MAD1L1: variants seen among roughly 807,000 people sequenced by gnomAD.
The protein encoded by MAD1L1 is mitotic arrest deficient 1 like 1, also known as mitotic spindle assembly checkpoint protein MAD1.
Under a neutral mutation model 96.9 loss-of-function variants are expected in MAD1L1, and 95 were observed. The ratio of observed to expected loss-of-function variants is 0.98; its 90% CI spans 0.83 to 1.16. The LOEUF (loss-of-function observed/expected upper bound fraction) is 1.16. Among genes scored for constraint, MAD1L1 ranks in the 50% most tolerant of loss-of-function variants. MAD1L1 has a pLI of 0.00. For missense variants in MAD1L1, 1,007 were observed against 954.4 expected, an observed-to-expected ratio of 1.06 and a Z score of -0.73; for synonymous variants, 473 against 396.6, an observed-to-expected ratio of 1.19 and a Z score of -2.29.
chr7:1,969,874 T>C (rs1485231822), intron 15 of MAD1L1, among the ~76,000 whole-genome samples: 1 of 152,136 alleles, frequency 6.6e-6, no homozygotes, highest in Non-Finnish European at 1.5e-5. Context: ...GAAGAAAACC[T>C]AAGTAAATGT....
At chr7:1,894,788 G>T (rs1420355812) in intron 18 of MAD1L1, among the ~76,000 whole-genome samples, 1 of 152,038 alleles carries the variant, frequency 6.6e-6, no homozygotes, top group Non-Finnish European at 1.5e-5. Context: ...AGGAGGAGTG[G>T]GAGAGGGAGG....
intron 11 of MAD1L1, among the ~76,000 whole-genome samples, chr7:2,070,158 A>G (rs1378334091): frequency 1.3e-5 from 2 of 152,166 alleles, no homozygotes; most frequent in Non-Finnish European, 1.5e-5. Flanking sequence ...AGGGGTTTGG[A>G]TCTTGCCCCT....
At chr7:1,972,639 A>C (rs2128480439) in intron 15 of MAD1L1, among the ~76,000 whole-genome samples, 1 of 151,578 alleles carries the variant, frequency 6.6e-6, no homozygotes, top group East Asian at 1.9e-4. Context: ...TTATTGTTTT[A>C]ATAATTTTCT....
chr7:1,847,755 A>G (rs1271250078), intron 18 of MAD1L1: 1 of 467,272 alleles, frequency 2.1e-6, no homozygotes, highest in Non-Finnish European at 4.4e-6. Context: ...CACGGAACAC[A>G]CTTGCTGCGT....
At chr7:1,911,715 C>T (rs994416505) in intron 17 of MAD1L1, among the ~76,000 whole-genome samples, 1 of 151,702 alleles carries the variant, frequency 6.6e-6, no homozygotes, top group African/African-American at 2.4e-5. Flanking sequence ...GGCATCCCAA[C>T]CGTCTCCAGT....
At chr7:2,232,782 AC>A (rs1168934748) in intron 1 of MAD1L1, 89 bp downstream of exon 1, 9 of 151,444 alleles carry the variant, frequency 5.9e-5, no homozygotes, top group Admixed American at 5.9e-4. Flanking sequence ...TGGCGAGCAC[AC>A]CCGGTCCGGG....
chr7:1,999,772 A>T (rs1288762581), intron 14 of MAD1L1, among the ~76,000 whole-genome samples: 1 of 152,212 alleles, frequency 6.6e-6, no homozygotes, highest in Non-Finnish European at 1.5e-5. Context: ...GCCCCTGACC[A>T]GGCCCTTCTG....
chr7:2,011,908 G>A (rs12699570), intron 13 of MAD1L1, among the ~76,000 whole-genome samples: 59,781 of 152,020 alleles, frequency 0.39, 12,472 homozygotes, highest in African/African-American at 0.53. Context: ...ATGGGCAGAG[G>A]AGGCTGTGAG....
chr7:1,817,090 A>G (rs1172178281), intron 18 of MAD1L1: 2 of 152,288 alleles, frequency 1.3e-5, no homozygotes, highest in East Asian at 1.9e-4. Context: ...CACACGGCCA[A>G]TGAGCTCATG....
chr7:2,059,763 T>C (rs1385422554), intron 12 of MAD1L1, among the ~76,000 whole-genome samples: 1 of 151,734 alleles, frequency 6.6e-6, no homozygotes, highest in Non-Finnish European at 1.5e-5. Flanking sequence ...AGAGTATGAG[T>C]GTGCACGTCA....
intron 18 of MAD1L1, among the ~76,000 whole-genome samples, chr7:1,879,621 G>A (rs965921305): frequency 1.3e-5 from 2 of 152,202 alleles, no homozygotes; most frequent in African/African-American, 4.8e-5. Context: ...CAAAATTGGA[G>A]GACTTATGTT....
Position 2,088,540 on chromosome 7 carries a change from G to A in MAD1L1, c.1074-19202C>T, listed in dbSNP as rs556719685. Among the ~76,000 whole-genome samples the A allele has an allele frequency of 8.9e-4, 135 of 152,308 alleles. No homozygotes were observed. The highest frequency in any genetic ancestry group is 2.8e-3 in the African/African-American group (115 of 41,554). On this transcript the variant is annotated intron_variant, in intron 11 of 18. Transcript: ENST00000265854. The surrounding 1 kb of genome is among the most constrained non-coding windows in gnomAD (Gnocchi z 4.4). ...GACAGCTCTGGAGCTGCCACTGCACGTGCACATCCATCTCCCTGGGAGGCC... is the reference window on the plus strand; with the variant it reads ...GACAGCTCTGGAGCTGCCACTGCACATGCACATCCATCTCCCTGGGAGGCC...
At chr7:2,009,430 TGGAAAAGGATG>T (rs1283684093) in intron 13 of MAD1L1, among the ~76,000 whole-genome samples, 1 of 151,802 alleles carries the variant, frequency 6.6e-6, no homozygotes, top group Non-Finnish European at 1.5e-5. Context: ...CACGGTCACG[TGGAAAAGGATG>T]GGACGGAAGC....
In MAD1L1 at chr7:2,014,503, T is replaced by A. The variant is rs1782444313; in HGVS notation, c.1358A>T (p.Glu453Val). The change falls in exon 13 of 19, where the codon GAG (glutamate) becomes GTG (valine). Residue 453 changes from glutamate (E) to valine (V), a missense_variant and splice_region_variant. Coordinates refer to ENST00000265854, the MANE Select transcript of MAD1L1 (RefSeq NM_001013836.2). ...AGCCCCACGCCCGCGGCCCCTCACC[T>A]CCATCTCGGCGCTGTGGCTGTGCAC... ...QKVHSHSAEMEAQLSQALEEL... is the reference protein window; with the variant it reads ...QKVHSHSAEMVAQLSQALEEL... 2.5e-6 allele frequency: 4 copies of A among 1,578,574 alleles called. No individual in the cohort carries two copies. Among genetic ancestry groups the A allele is most frequent in the African/African-American group, 1.4e-5 (1 of 73,864 alleles).
intron 15 of MAD1L1, among the ~76,000 whole-genome samples, chr7:1,969,016 G>T (rs921928626): frequency 6.6e-6 from 1 of 152,224 alleles, no homozygotes; most frequent in South Asian, 2.1e-4. Flanking sequence ...AAGAGGGTAT[G>T]AGAACTCTCC....
intron 1 of MAD1L1, among the ~76,000 whole-genome samples, chr7:2,231,598 C>T (rs1794192640): frequency 6.6e-6 from 1 of 151,894 alleles, no homozygotes; most frequent in African/African-American, 2.4e-5. Context: ...CAGAGCAAGA[C>T]TCCGTTTCAA....
chr7:1,859,297 C>T (rs958746318), intron 18 of MAD1L1, among the ~76,000 whole-genome samples: 2 of 152,234 alleles, frequency 1.3e-5, no homozygotes, highest in African/African-American at 2.4e-5. Context: ...ACAGTGGCAA[C>T]GACAGCCTCC....
intron 11 of MAD1L1, among the ~76,000 whole-genome samples, chr7:2,145,998 G>A (rs1468992975): frequency 6.6e-6 from 1 of 152,216 alleles, no homozygotes; most frequent in Non-Finnish European, 1.5e-5. Flanking sequence ...CCGCACATCA[G>A]ATCAGCAGAG....
At position 1,936,896 on chromosome 7, in the gene MAD1L1, C is replaced by A. The variant is rs767607969; in HGVS notation, c.1598G>T (p.Gly533Val). The A allele has an allele frequency of 1.3e-6, 2 of 1,589,342 alleles. No individual in the cohort carries two copies. The highest frequency in any genetic ancestry group is 8.6e-7 in the Non-Finnish European group (1 of 1,166,038). Residue 533 changes from glycine to valine, a missense_variant and splice_region_variant, in exon 17 of 19, where the codon GGT becomes GTT. Transcript: ENST00000265854. ...EAQLERRALQ[G>V]DYDQSRTKVL... ...TTTGGTCCTGCTCTGGTCATAGTCA[C>A]CCTGCAGGAACACACACAGCACAGG...
Sources: allele counts gnomAD v4.1 joint callset (sites outside exome capture counted in the v4.1 genomes callset), GRCh38; gene constraint gnomAD v4.1.1; non-coding constraint Gnocchi (gnomAD v3.1); transcripts MANE v1.5; gene names NCBI Gene and HGNC (gene_info 2026-07-23, HGNC 2026-07-21).